The following TRDMT1 variants were observed in gnomAD, a reference collection of about 807,000 sequenced individuals.
TRDMT1 encodes the protein tRNA (cytosine(38)-C(5))-methyltransferase.
TRDMT1 carries 49 observed loss-of-function variants against 51.2 expected under a neutral mutation model. The ratio of observed to expected loss-of-function variants is 0.96; its 90% CI spans 0.76 to 1.21. The LOEUF (loss-of-function observed/expected upper bound fraction) is 1.21, where lower values mean the gene tolerates loss of function less well. TRDMT1 is among the 50% of genes most tolerant of loss of function. The pLI is 0.00. For missense variants in TRDMT1, 534 were observed against 462.3 expected, an observed-to-expected ratio of 1.16 and a Z score of -1.42; for synonymous variants, 187 against 164.6, an observed-to-expected ratio of 1.14 and a Z score of -1.04.
chr10:17,151,200 A>G (rs1588701270), intron 10 of TRDMT1: 1 of 850,428 alleles, frequency 1.2e-6, no homozygotes, highest in Non-Finnish European at 1.4e-6. Context: ...TTTTCTACCA[A>G]TCTAACAATT....
chr10:17,165,472 G>C (rs1207054809), intron 3 of TRDMT1, among the ~76,000 whole-genome samples: 2 of 152,170 alleles, frequency 1.3e-5, no homozygotes, highest in Admixed American at 6.5e-5. Context: ...AGGACTTTAT[G>C]TCTAAAACAC....
chr10:17,153,332 G>T, intron 10 of TRDMT1, 175 bp downstream of exon 10: 1 of 700,854 alleles, frequency 1.4e-6, no homozygotes, highest in Non-Finnish European at 2.3e-6. Context: ...GTAGAGAACC[G>T]AATGAGGCAG....
chr10:17,162,587 A>G (rs1840554774), intron 3 of TRDMT1, among the ~76,000 whole-genome samples: 1 of 152,072 alleles, frequency 6.6e-6, no homozygotes, highest in Admixed American at 6.6e-5. Context: ...TCACATCTAT[A>G]ATCCCAGCAC....
At chr10:17,152,153 T>A (rs564603973) in intron 10 of TRDMT1, 5 of 1,173,028 alleles carry the variant, frequency 4.3e-6, no homozygotes, top group South Asian at 2.7e-5. Context: ...GAATGAGAAT[T>A]CTTAAGTCTA....
At chr10:17,170,735 T>C (rs1841852847) in intron 2 of TRDMT1, among the ~76,000 whole-genome samples, 1 of 152,186 alleles carries the variant, frequency 6.6e-6, no homozygotes, top group Admixed American at 6.5e-5. Context: ...TTAACTCCCA[T>C]GTGAGTTATA....
Position 17,139,983 on chromosome 10 carries a change from T to C in TRDMT1, c.*9057A>G, listed in dbSNP as rs1837544238. Among the ~76,000 whole-genome samples, 1 of 148,020 alleles carries C rather than the reference T, an allele frequency of 6.8e-6. No homozygotes were observed. Among genetic ancestry groups the C allele is most frequent in the African/African-American group, 2.5e-5 (1 of 40,062 alleles). On this transcript the variant is annotated 3_prime_UTR_variant, in exon 11 of 11. Transcript: ENST00000377799. ...TTTAGAAGAGACATAAACAATACCC[T>C]AGGAGTTATACACAATTTTGGCATT...
chr10:17,199,203 G>C (rs528518633), intron 1 of TRDMT1, among the ~76,000 whole-genome samples: 1 of 152,288 alleles, frequency 6.6e-6, no homozygotes, highest in East Asian at 1.9e-4. Context: ...GCAAACAAGT[G>C]TGGAAAAATA....
Position 17,144,515 on chromosome 10 carries a change from G to C in TRDMT1, c.*4525C>G, listed in dbSNP as rs1202058758. The C allele has an allele frequency of 1.0e-6, 1 of 985,686 alleles. No individual in the cohort carries two copies. The highest frequency in any genetic ancestry group is 1.7e-5 in the African/African-American group (1 of 57,222). 61.1% of individuals were successfully genotyped at this position (985,686 alleles called of 1,614,324 possible). ...GGAGTCAAGTGTGGTGTACTTGAGG[G>C]AGACTTCAGTAAGTGCTGGATGTGG... On this transcript the variant is annotated 3_prime_UTR_variant, in exon 11 of 11. Transcript: ENST00000377799.
Position 17,176,276 on chromosome 10 carries a change from T to G in TRDMT1, c.65-1616A>C, listed in dbSNP as rs374207530. 3.3e-5 allele frequency among the ~76,000 whole-genome samples: 5 copies of G among 152,312 alleles called. No homozygotes were observed. In the South Asian group the frequency reaches 6.2e-4, roughly 19 times the overall value. The stretch of plus-strand genomic sequence containing the variant: ...CAGCATGATGTAGCCTGCTTGTATT[T>G]CCACCATATATGAAGCAAACTGGGA... On this transcript the variant is annotated intron_variant, in intron 1 of 10. Coordinates refer to ENST00000377799, the MANE Select transcript of TRDMT1 (RefSeq NM_004412.7).
At chr10:17,161,779 C>T (rs1299103396) in intron 4 of TRDMT1, among the ~76,000 whole-genome samples, 1 of 152,166 alleles carries the variant, frequency 6.6e-6, no homozygotes, top group Non-Finnish European at 1.5e-5. Context: ...TTATCTCAAG[C>T]ATGGGTTCAC....
rs749839090 is a variant in TRDMT1 at position 17,142,837 on chromosome 10, T to G, written c.*6203A>C. ...TCTTGGGGTCCCTCCGCAGTGTGTC[T>G]TCCTGGTCCCACCTTTCAGAATTCT... On this transcript the variant is annotated 3_prime_UTR_variant, in exon 11 of 11. Coordinates refer to ENST00000377799, the MANE Select transcript of TRDMT1 (RefSeq NM_004412.7). 2.6e-6 allele frequency: 1 copy of G among 391,178 alleles called. No homozygotes were observed. The highest frequency in any genetic ancestry group is 3.5e-6 in the Non-Finnish European group (1 of 286,848). 24.2% of individuals were successfully genotyped at this position (391,178 alleles called of 1,614,324 possible). A position where few individuals can be genotyped will look rare whatever the true frequency, so the allele number is the denominator to read the frequency against.
chr10:17,173,632 T>C (rs902886955), intron 2 of TRDMT1, among the ~76,000 whole-genome samples: 1 of 152,174 alleles, frequency 6.6e-6, no homozygotes, highest in African/African-American at 2.4e-5. Flanking sequence ...ACACAGTTGA[T>C]GATTGAGTCG....
At chr10:17,157,045 T>C (rs919722950) in intron 8 of TRDMT1, among the ~76,000 whole-genome samples, 1 of 152,230 alleles carries the variant, frequency 6.6e-6, no homozygotes, top group African/African-American at 2.4e-5. Flanking sequence ...TGACTCAATA[T>C]TACATCTTTA....
At chr10:17,198,131 C>A (rs989170915) in intron 1 of TRDMT1, among the ~76,000 whole-genome samples, 1 of 151,930 alleles carries the variant, frequency 6.6e-6, no homozygotes, top group Admixed American at 6.6e-5. Context: ...TCATATCCAT[C>A]AGAATGGCTA....
intron 1 of TRDMT1, among the ~76,000 whole-genome samples, chr10:17,196,614 T>C (rs1409522324): frequency 6.6e-6 from 1 of 152,248 alleles, no homozygotes; most frequent in Admixed American, 6.5e-5. Context: ...GTAGTTTCTG[T>C]ATAGGTCAAA....
At chr10:17,165,540 G>A (rs1841072940) in intron 3 of TRDMT1, among the ~76,000 whole-genome samples, 1 of 152,302 alleles carries the variant, frequency 6.6e-6, no homozygotes, top group East Asian at 1.9e-4. Context: ...AAACTAAAGA[G>A]CTTCTGCACA....
At chr10:17,172,079 A>AC (rs1588593658) in intron 2 of TRDMT1, 1 of 166,782 alleles carries the variant, frequency 6.0e-6, no homozygotes, top group Non-Finnish European at 1.5e-5. Context: ...TAATGGTCAA[A>AC]CCCCCCAAAT....
intron 2 of TRDMT1, among the ~76,000 whole-genome samples, chr10:17,173,782 T>G (rs1167882733): frequency 6.6e-6 from 1 of 150,920 alleles, no homozygotes; most frequent in African/African-American, 2.4e-5. Context: ...CTTTTTTTTT[T>G]TTTTTTTTTT....
chr10:17,186,694 ATAAT>A (rs1394167507), intron 1 of TRDMT1, among the ~76,000 whole-genome samples: 3 of 152,228 alleles, frequency 2.0e-5, no homozygotes, highest in Admixed American at 6.5e-5. Flanking sequence ...TACATAGATA[ATAAT>A]TAGAGATGTA....
Sources: allele counts gnomAD v4.1 joint callset (sites outside exome capture counted in the v4.1 genomes callset), GRCh38; gene constraint gnomAD v4.1.1; transcripts MANE v1.5; gene names NCBI Gene and HGNC (gene_info 2026-07-23, HGNC 2026-07-21).